SLCO5A1: variants seen among roughly 807,000 people sequenced by gnomAD.
The protein encoded by SLCO5A1 is solute carrier organic anion transporter family member 5A1, also known as organic anion transporter polypeptide-related protein 4.
In SLCO5A1, 39 loss-of-function variants were observed where a neutral mutation model predicts 65.1. That is an observed-to-expected ratio of 0.60 (90% confidence interval 0.46 to 0.78). The LOEUF (loss-of-function observed/expected upper bound fraction) is 0.78, where lower values mean the gene tolerates loss of function less well. Ranked by LOEUF, SLCO5A1 falls within the 30% of genes least tolerant of loss-of-function variation. SLCO5A1 has a pLI of 0.00. For missense variants in SLCO5A1, 1,029 were observed against 1,069.4 expected (o/e 0.96, Z 0.53); for synonymous variants, 438 against 415.7 (o/e 1.05, Z -0.65).
intron 2 of SLCO5A1, among the ~76,000 whole-genome samples, chr8:69,814,582 G>A (rs946803941): frequency 1.1e-4 from 17 of 152,170 alleles, no homozygotes; most frequent in Admixed American, 1.1e-3. Flanking sequence ...CAGCCATTAT[G>A]GAAAGCTGTA....
chr8:69,729,121 C>G (rs936606969), intron 5 of SLCO5A1, among the ~76,000 whole-genome samples: 7 of 152,098 alleles, frequency 4.6e-5, no homozygotes, highest in Non-Finnish European at 1.0e-4. Flanking sequence ...CTCCCAATGG[C>G]CAAAGATTGG....
chr8:69,750,585 C>T (rs1386288284), intron 4 of SLCO5A1, among the ~76,000 whole-genome samples: 2 of 152,178 alleles, frequency 1.3e-5, no homozygotes, highest in Non-Finnish European at 2.9e-5. Context: ...TCAAATACAT[C>T]TACACAGTCC....
intron 2 of SLCO5A1, among the ~76,000 whole-genome samples, chr8:69,773,162 G>T (rs535074715): frequency 6.6e-6 from 1 of 152,252 alleles, no homozygotes; most frequent in Non-Finnish European, 1.5e-5. Context: ...GACCACCATC[G>T]CCTGCACCCT....
At chr8:69,776,681 C>A (rs559070569) in intron 2 of SLCO5A1, among the ~76,000 whole-genome samples, 104 of 152,106 alleles carry the variant, frequency 6.8e-4, no homozygotes, top group Non-Finnish European at 1.3e-3. Flanking sequence ...CAGAGTGAGA[C>A]CCTGTCTCAA....
chr8:69,789,134 C>T (rs1305837491), intron 2 of SLCO5A1, among the ~76,000 whole-genome samples: 1 of 152,176 alleles, frequency 6.6e-6, no homozygotes, highest in East Asian at 1.9e-4. Context: ...GTAAAACCGA[C>T]CCAGGACACA....
chr8:69,828,473 G>A (rs1821019313), intron 2 of SLCO5A1, among the ~76,000 whole-genome samples: 1 of 151,844 alleles, frequency 6.6e-6, no homozygotes, highest in African/African-American at 2.4e-5. Context: ...GTGGTGGTGG[G>A]CGCCTGTAGT....
chr8:69,728,040 C>T (rs1050073355), intron 5 of SLCO5A1, among the ~76,000 whole-genome samples: 16 of 152,126 alleles, frequency 1.1e-4, no homozygotes, highest in Non-Finnish European at 2.4e-4. Context: ...ATGGAAACAA[C>T]CAAACGCCCA....
At chr8:69,798,907 GACA>G (rs1361695896) in intron 2 of SLCO5A1, among the ~76,000 whole-genome samples, 1 of 152,168 alleles carries the variant, frequency 6.6e-6, no homozygotes. Flanking sequence ...TTATGATTTT[GACA>G]ACAATAGAAG....
chr8:69,705,635 C>A (rs1470356886), intron 5 of SLCO5A1, among the ~76,000 whole-genome samples: 1 of 152,188 alleles, frequency 6.6e-6, no homozygotes, highest in Non-Finnish European at 1.5e-5. Context: ...ACCCTAAATA[C>A]CCCAATTTGA....
At chr8:69,810,863 T>A (rs1195226311) in intron 2 of SLCO5A1, among the ~76,000 whole-genome samples, 1 of 152,224 alleles carries the variant, frequency 6.6e-6, no homozygotes, top group African/African-American at 2.4e-5. Context: ...CTGAAAATGC[T>A]TTGTGGCCAT....
At chr8:69,714,532 C>A (rs542707616) in intron 5 of SLCO5A1, among the ~76,000 whole-genome samples, 9 of 152,292 alleles carry the variant, frequency 5.9e-5, no homozygotes, top group African/African-American at 1.9e-4. Context: ...TTTTGCCCCT[C>A]TATAACTTCA....
Position 69,711,928 on chromosome 8 carries a change from A to G in SLCO5A1, c.1424-6699T>C, listed in dbSNP as rs144324376. Among the ~76,000 whole-genome samples, 120 of 152,340 alleles carry G rather than the reference A, an allele frequency of 7.9e-4. No individual in the cohort carries two copies. The East Asian group carries it at 0.021, about 27-fold the overall frequency. ...ATATTATGAGTTTAAATTTGCACAT[A>G]TATATTGGAATTATAATTAGGCAAA... On this transcript the variant is annotated intron_variant, in intron 5 of 9. Transcript: ENST00000260126.
intron 2 of SLCO5A1, among the ~76,000 whole-genome samples, chr8:69,826,093 C>G (rs896339913): frequency 7.9e-5 from 12 of 152,196 alleles, no homozygotes; most frequent in African/African-American, 2.9e-4. Context: ...AAAGCTGAAA[C>G]TGGATCCCTT....
At position 69,815,522 on chromosome 8, in the gene SLCO5A1, CCA is replaced by C. The variant is rs201829604; in HGVS notation, c.907+16243_907+16244del. Among the ~76,000 whole-genome samples the C allele has an allele frequency of 3.9e-3, 600 of 152,120 alleles. 5 individuals are homozygous for C. The highest frequency in any genetic ancestry group is 0.022 in the South Asian group (108 of 4,824). ...TCTATCCTACAGCTCCTCTTGATGTCCAGTTACTTCATTGATGAGCTCTGCTT... is the reference window on the plus strand; with the variant it reads ...TCTATCCTACAGCTCCTCTTGATGTCGTTACTTCATTGATGAGCTCTGCTT... On this transcript the variant is annotated intron_variant, in intron 2 of 9. Coordinates refer to ENST00000260126, the MANE Select transcript of SLCO5A1 (RefSeq NM_030958.3).
At chr8:69,721,943 G>A (rs529436856) in intron 5 of SLCO5A1, among the ~76,000 whole-genome samples, 8 of 152,174 alleles carry the variant, frequency 5.3e-5, no homozygotes, top group South Asian at 4.1e-4. Context: ...AGGCTGAGGC[G>A]GGCAGATCAC....
At chr8:69,708,238 T>A (rs11987225) in intron 5 of SLCO5A1, among the ~76,000 whole-genome samples, 11,691 of 152,228 alleles carry the variant, frequency 0.077, 452 homozygotes, top group East Asian at 0.086. Context: ...CCTCACTCCA[T>A]CTTTTGTAGC....
At chr8:69,703,473 G>A (rs1220184200) in intron 6 of SLCO5A1, among the ~76,000 whole-genome samples, 3 of 152,176 alleles carry the variant, frequency 2.0e-5, no homozygotes, top group African/African-American at 7.2e-5. Context: ...TTGTGACCGG[G>A]AGTTCAAGAC....
chr8:69,755,544 TC>T lies in SLCO5A1; in HGVS notation c.1137del (p.Lys381ArgfsTer15), dbSNP rs1428726641. 1 of 1,614,136 alleles carries T rather than the reference TC, an allele frequency of 6.2e-7. No individual in the cohort carries two copies. ...PKKLPPRHKK[K>X]KKKKFSVDAV... is the part of the protein sequence containing the mutation. ...GCATCAACAGAAAATTTTTTCTTTT[TC>T]TTTTTCTTGTGTCGAGGTGGAAGCT... is the stretch of plus-strand genomic sequence containing the variant. On this transcript the variant is annotated frameshift_variant, in exon 4 of 10. Coordinates refer to ENST00000260126, the MANE Select transcript of SLCO5A1 (RefSeq NM_030958.3). LOFTEE classifies it high-confidence loss of function.
At chr8:69,689,754 G>C (rs1344679992) in intron 6 of SLCO5A1, among the ~76,000 whole-genome samples, 1 of 150,432 alleles carries the variant, frequency 6.6e-6, no homozygotes, top group Non-Finnish European at 1.5e-5. Flanking sequence ...TTGTAGTATA[G>C]TTTGAAGTCA....
Sources: allele counts gnomAD v4.1 joint callset (sites outside exome capture counted in the v4.1 genomes callset), GRCh38; gene constraint gnomAD v4.1.1; transcripts MANE v1.5; gene names NCBI Gene and HGNC (gene_info 2026-07-23, HGNC 2026-07-21).